XKR9: variants seen among roughly 807,000 people sequenced by gnomAD.
The protein encoded by XKR9 is XK related 9.
A neutral mutation model predicts 32.0 loss-of-function variants in XKR9; 32 were observed. The ratio of observed to expected loss-of-function variants is 1.00; its 90% CI spans 0.76 to 1.34. The LOEUF is 1.34. XKR9 is among the 40% of genes most tolerant of loss of function. The pLI is 0.00. For synonymous variants in XKR9, 168 were observed against 143.4 expected, an observed-to-expected ratio of 1.17 and a Z score of -1.22; for missense variants, 546 against 429.7, an observed-to-expected ratio of 1.27 and a Z score of -2.39.
At chr8:70,902,312 G>A in the XKR9 span, among the ~76,000 whole-genome samples, 2 of 152,082 alleles carry the variant, frequency 1.3e-5, no homozygotes, top group Non-Finnish European at 2.9e-5. Context: ...ATTTGTTTGT[G>A]TCCTCTTTTA....
the XKR9 span, among the ~76,000 whole-genome samples, chr8:70,913,659 C>A: frequency 6.6e-6 from 1 of 152,170 alleles, no homozygotes; most frequent in African/African-American, 2.4e-5. Flanking sequence ...AAACATACAG[C>A]AGGATGAATT....
chr8:70,854,038 T>C, the XKR9 span, among the ~76,000 whole-genome samples: 2 of 150,496 alleles, frequency 1.3e-5, no homozygotes, highest in Non-Finnish European at 3.0e-5. Context: ...TTTGGGTATA[T>C]ACCCAGTAAT....
chr8:70,723,376 G>T (rs1235042402), intron 4 of XKR9, among the ~76,000 whole-genome samples: 1 of 152,176 alleles, frequency 6.6e-6, no homozygotes, highest in Non-Finnish European at 1.5e-5. Flanking sequence ...CTTTGTAAGA[G>T]AAGAGATATT....
At chr8:70,942,676 T>C in the XKR9 span, among the ~76,000 whole-genome samples, 1 of 152,158 alleles carries the variant, frequency 6.6e-6, no homozygotes, top group Admixed American at 6.6e-5. Flanking sequence ...TGAGACAAAT[T>C]AGTCTTTCTA....
the XKR9 span, among the ~76,000 whole-genome samples, chr8:71,021,437 A>G: frequency 1.3e-5 from 2 of 151,600 alleles, no homozygotes; most frequent in Non-Finnish European, 2.9e-5. Context: ...TTTGTTGGAT[A>G]CAGAGTTTGC....
At chr8:70,774,934 G>A (rs904209458) in intron 2 of XKR9, among the ~76,000 whole-genome samples, 1 of 151,914 alleles carries the variant, frequency 6.6e-6, no homozygotes, top group African/African-American at 2.4e-5. Context: ...ATAGAATTTT[G>A]ATTAGGACTG....
chr8:70,814,421 A>G, the XKR9 span, among the ~76,000 whole-genome samples: 1 of 152,072 alleles, frequency 6.6e-6, no homozygotes, highest in Non-Finnish European at 1.5e-5. Context: ...GTGCACATGT[A>G]CCCTAAAACT....
intron 2 of XKR9, among the ~76,000 whole-genome samples, chr8:70,751,392 T>C (rs1807138697): frequency 6.6e-6 from 1 of 152,072 alleles, no homozygotes; most frequent in Admixed American, 6.6e-5. Flanking sequence ...GCCTCCCAAA[T>C]TTCTGGGATT....
the XKR9 span, among the ~76,000 whole-genome samples, chr8:70,908,825 C>T: frequency 6.6e-6 from 1 of 152,128 alleles, no homozygotes; most frequent in Non-Finnish European, 1.5e-5. Context: ...AAAAAAAAGG[C>T]ATTAAGTCAT....
At chr8:70,692,769 G>A (rs904844852) in intron 3 of XKR9, among the ~76,000 whole-genome samples, 1 of 151,884 alleles carries the variant, frequency 6.6e-6, no homozygotes, top group African/African-American at 2.4e-5. Flanking sequence ...CAGTAGAGAC[G>A]GGGTTTCACC....
At chr8:70,843,884 T>C in the XKR9 span, among the ~76,000 whole-genome samples, 103 of 152,272 alleles carry the variant, frequency 6.8e-4, no homozygotes, top group Non-Finnish European at 9.4e-4. Flanking sequence ...CCCACCAGAC[T>C]GCATCCTGCC....
chr8:70,801,892 T>C, the XKR9 span, among the ~76,000 whole-genome samples: 1 of 152,262 alleles, frequency 6.6e-6, no homozygotes, highest in African/African-American at 2.4e-5. Flanking sequence ...TCTTATTGAA[T>C]TGAACTGTTT....
At chr8:70,733,619 T>C (rs1806745025) in intron 4 of XKR9, among the ~76,000 whole-genome samples, 177 bp from the exon 5 acceptor site, 1 of 152,082 alleles carries the variant, frequency 6.6e-6, no homozygotes, top group South Asian at 2.1e-4. Flanking sequence ...AGTGTATCTC[T>C]CCAAGTCTCA....
At chr8:70,878,261 A>C in the XKR9 span, among the ~76,000 whole-genome samples, 1 of 152,196 alleles carries the variant, frequency 6.6e-6, no homozygotes, top group South Asian at 2.1e-4. Context: ...TGGGCAAAAT[A>C]ACCAGCGAAC....
chr8:70,893,129 G>T, the XKR9 span, among the ~76,000 whole-genome samples: 1 of 151,298 alleles, frequency 6.6e-6, no homozygotes, highest in Non-Finnish European at 1.5e-5. Context: ...ACTCTCTATC[G>T]TATTTTTTCA....
chr8:70,711,689 C>T (rs1805925157), intron 4 of XKR9, among the ~76,000 whole-genome samples: 1 of 125,998 alleles, frequency 7.9e-6, no homozygotes, highest in Admixed American at 8.0e-5. Context: ...GGCTCACTAC[C>T]TGGGTGAGGA....
chr8:70,772,816 C>A (rs1482261054), intron 2 of XKR9, among the ~76,000 whole-genome samples: 1 of 152,054 alleles, frequency 6.6e-6, no homozygotes, highest in Non-Finnish European at 1.5e-5. Context: ...TTAGGACTTG[C>A]CAAATGTTTG....
rs1313873099 is a variant in XKR9, at chr8:70,672,083, T to C, written c.-361+2545T>C. On this transcript the variant is annotated intron_variant, in intron 1 of 4. Transcript: ENST00000408926. ...GGAAATAAAAGAGGAGACAAACAAA[T>C]GGAAGAACATTCCATGCTCATGGGT... Among the ~76,000 whole-genome samples, 11 of 53,764 alleles carry C rather than the reference T, an allele frequency of 2.0e-4. No homozygotes were observed. The East Asian group carries it at 2.9e-3, about 14-fold the overall frequency. 35.3% of individuals were successfully genotyped at this position (53,764 alleles called of 152,430 possible).
chr8:70,707,203 C>T (rs765518892), intron 4 of XKR9, 50 bp downstream of exon 4: 25 of 1,409,880 alleles, frequency 1.8e-5, no homozygotes, highest in South Asian at 6.2e-5. Context: ...TGAGACCTTA[C>T]GTCAACTATA....
Sources: allele counts gnomAD v4.1 joint callset (sites outside exome capture counted in the v4.1 genomes callset), GRCh38; gene constraint gnomAD v4.1.1; transcripts MANE v1.5; gene names NCBI Gene and HGNC (gene_info 2026-07-23, HGNC 2026-07-21).